ELMO1: variants seen among roughly 807,000 people sequenced by gnomAD.
ELMO1 encodes engulfment and cell motility 1.
ELMO1 carries 26 observed loss-of-function variants against 98.9 expected under a neutral mutation model. The observed-to-expected ratio is 0.26, with a 90% CI of 0.19 to 0.36. The LOEUF is 0.36. Ranked by LOEUF, ELMO1 falls within the 10% of genes least tolerant of loss-of-function variation. ELMO1 has a pLI of 1.00. For synonymous variants in ELMO1, 346 were observed against 346.0 expected (o/e 1.00, Z 0.00); for missense variants, 627 against 935.2 (o/e 0.67, Z 4.30).
intron 16 of ELMO1, among the ~76,000 whole-genome samples, chr7:36,928,437 A>G (rs1227649107): frequency 3.9e-5 from 6 of 152,220 alleles, no homozygotes; most frequent in Non-Finnish European, 7.3e-5. Context: ...GGCAATTACA[A>G]CAGCCTCAGT....
chr7:37,187,967 G>A (rs1037844531), intron 13 of ELMO1, among the ~76,000 whole-genome samples: 1 of 151,652 alleles, frequency 6.6e-6, no homozygotes, highest in African/African-American at 2.4e-5. Context: ...ATGCCAGTAG[G>A]TTTCCTTTGT....
chr7:37,415,598 C>G (rs966514805), intron 1 of ELMO1, among the ~76,000 whole-genome samples: 32 of 152,116 alleles, frequency 2.1e-4, no homozygotes, highest in Non-Finnish European at 4.0e-4. Context: ...TCATATAAAG[C>G]AGGCAGCACA....
At chr7:37,336,749 AG>A (rs1225370024) in intron 2 of ELMO1, among the ~76,000 whole-genome samples, 1 of 152,200 alleles carries the variant, frequency 6.6e-6, no homozygotes, top group Non-Finnish European at 1.5e-5. Flanking sequence ...GCCACCAAAA[AG>A]GGGAGCCCTG....
Position 37,216,585 on chromosome 7 carries a change from T to C in ELMO1, c.831+60A>G, listed in dbSNP as rs1793294402. The C allele has an allele frequency of 1.9e-6, 3 of 1,588,398 alleles. No homozygotes were observed. In the South Asian group the frequency reaches 3.3e-5, roughly 18 times the overall value. On this transcript the variant is annotated intron_variant, in intron 11 of 21. Transcript: ENST00000310758. ...CACAGACTGAAGCCAAAAGAAGAGATTAACAAATGCACCAGGCCACTCCTC... is the reference window on the plus strand; with the variant it reads ...CACAGACTGAAGCCAAAAGAAGAGACTAACAAATGCACCAGGCCACTCCTC...
At chr7:36,861,244 A>G (rs918719870) in intron 21 of ELMO1, among the ~76,000 whole-genome samples, 3 of 152,172 alleles carry the variant, frequency 2.0e-5, no homozygotes, top group Non-Finnish European at 4.4e-5. Flanking sequence ...ACAGCCCTAA[A>G]CCTCTTAAAA....
intron 15 of ELMO1, among the ~76,000 whole-genome samples, chr7:37,092,510 C>T (rs1784161176): frequency 6.6e-6 from 1 of 151,468 alleles, no homozygotes; most frequent in Non-Finnish European, 1.5e-5. Context: ...TCCTAAGTAG[C>T]TGGGACTACA....
chr7:37,051,796 C>G (rs1796123240), intron 15 of ELMO1, among the ~76,000 whole-genome samples: 1 of 152,190 alleles, frequency 6.6e-6, no homozygotes, highest in Non-Finnish European at 1.5e-5. Context: ...AAAAGCTAAT[C>G]TGCAAATATG....
intron 13 of ELMO1, among the ~76,000 whole-genome samples, chr7:37,152,697 G>A (rs1314664867): frequency 1.3e-5 from 2 of 152,152 alleles, no homozygotes; most frequent in Non-Finnish European, 2.9e-5. Flanking sequence ...AAAGAGAGGG[G>A]TAGCTTCATT....
intron 13 of ELMO1, among the ~76,000 whole-genome samples, chr7:37,164,771 T>C (rs891614019): frequency 8.0e-5 from 12 of 149,474 alleles, no homozygotes; most frequent in Admixed American, 8.0e-4. Flanking sequence ...TCAGGTAGTG[T>C]GATGCCTCCA....
chr7:37,346,218 G>C (rs1459195244), intron 1 of ELMO1, among the ~76,000 whole-genome samples: 1 of 152,104 alleles, frequency 6.6e-6, no homozygotes, highest in Non-Finnish European at 1.5e-5. Context: ...CACACCTCTT[G>C]GTTTGTGACT....
Position 36,901,084 on chromosome 7 carries a change from C to T in ELMO1, c.1438-6067G>A, listed in dbSNP as rs751865350. Among the ~76,000 whole-genome samples, 13 of 152,196 alleles carry T rather than the reference C, an allele frequency of 8.5e-5. 1 individual carries two copies. The highest frequency in any genetic ancestry group is 2.0e-4 in the Admixed American group (3 of 15,282). Reference sequence around the variant, plus strand: ...CAGAAGTGAGGGTACAAACTGATGGCTTACCTGGTAGGGACAATTATTGAT... The same window carrying T: ...CAGAAGTGAGGGTACAAACTGATGGTTTACCTGGTAGGGACAATTATTGAT... On this transcript the variant is annotated intron_variant, in intron 16 of 21. Transcript: ENST00000310758.
At chr7:37,375,057 A>G (rs1396561807) in intron 1 of ELMO1, among the ~76,000 whole-genome samples, 1 of 151,746 alleles carries the variant, frequency 6.6e-6, no homozygotes, top group Non-Finnish European at 1.5e-5. Context: ...AGAGTCTGTC[A>G]AAAAAAAGAA....
intron 14 of ELMO1, among the ~76,000 whole-genome samples, chr7:37,123,191 C>G (rs1786215276): frequency 1.3e-5 from 2 of 152,058 alleles, no homozygotes; most frequent in South Asian, 4.2e-4. Flanking sequence ...CAGGAAAGAT[C>G]CAAAATTGAC....
intron 15 of ELMO1, among the ~76,000 whole-genome samples, chr7:37,048,979 C>T (rs1043958745): frequency 2.0e-5 from 3 of 152,090 alleles, no homozygotes; most frequent in Non-Finnish European, 2.9e-5. Context: ...GGGGAAGTGA[C>T]GTGGTGAGGG....
intron 16 of ELMO1, among the ~76,000 whole-genome samples, chr7:36,966,141 CT>C (rs1305395220): frequency 2.0e-5 from 3 of 152,326 alleles, no homozygotes; most frequent in South Asian, 4.1e-4. Context: ...GGCTGCCTTC[CT>C]TTCAGAATGC....
At chr7:37,017,713 C>T (rs1473324990) in intron 15 of ELMO1, among the ~76,000 whole-genome samples, 1 of 152,114 alleles carries the variant, frequency 6.6e-6, no homozygotes, top group East Asian at 1.9e-4. Flanking sequence ...ACTGTGGAGA[C>T]ACCACAGCAA....
chr7:36,875,852 G>A (rs1024986959), intron 19 of ELMO1, among the ~76,000 whole-genome samples: 8 of 152,188 alleles, frequency 5.3e-5, no homozygotes, highest in Admixed American at 5.2e-4. Flanking sequence ...TGGCCAATTA[G>A]CATGGGGGTG....
At chr7:37,096,401 T>C (rs978743342) in intron 15 of ELMO1, among the ~76,000 whole-genome samples, 4 of 152,316 alleles carry the variant, frequency 2.6e-5, no homozygotes, top group African/African-American at 9.6e-5. Flanking sequence ...GATCTGCAAA[T>C]TTCTCCATTC....
intron 6 of ELMO1, among the ~76,000 whole-genome samples, chr7:37,249,159 A>G (rs2723969): frequency 0.31 from 47,851 of 152,102 alleles, 8,008 homozygotes; most frequent in African/African-American, 0.43. Context: ...TTTTCACAAC[A>G]TTCAGAAAAT....
Sources: gnomAD v4.1 joint callset for allele counts (sites outside exome capture counted in the v4.1 genomes callset) on GRCh38, gnomAD v4.1.1 for gene constraint, MANE v1.5 for transcripts, NCBI Gene and HGNC (gene_info 2026-07-23, HGNC 2026-07-21) for gene names.